ANKMY1: variants seen among roughly 807,000 people sequenced by gnomAD.
ANKMY1 encodes the protein ankyrin repeat and MYND domain containing 1, also known as ankyrin repeat and MYND domain-containing protein 1.
In ANKMY1, 98 loss-of-function variants were observed where a neutral mutation model predicts 102.0. That is an observed-to-expected ratio of 0.96 (90% CI 0.82 to 1.14). The LOEUF is 1.14. Ranked by LOEUF, ANKMY1 falls within the 50% of genes most tolerant of loss-of-function variation. The pLI is 0.00. For missense variants in ANKMY1, 1,330 were observed against 1,347.6 expected (o/e 0.99, Z 0.20); for synonymous variants, 582 against 559.9 (o/e 1.04, Z -0.56).
intron 2 of ANKMY1, among the ~76,000 whole-genome samples, chr2:240,556,235 C>T (rs970881292): frequency 6.6e-6 from 1 of 152,182 alleles, no homozygotes; most frequent in African/African-American, 2.4e-5. Flanking sequence ...CATAAACAGG[C>T]CATGAAAATA....
upstream of ANKMY1, among the ~76,000 whole-genome samples, chr2:240,559,053 C>G (rs564135774): frequency 6.6e-6 from 1 of 152,118 alleles, no homozygotes; most frequent in Non-Finnish European, 1.5e-5. Flanking sequence ...ATGTAGAAAC[C>G]CTCTGTTCTT....
chr2:240,540,356 G>C (rs116715594), intron 4 of ANKMY1, among the ~76,000 whole-genome samples: 1 of 152,152 alleles, frequency 6.6e-6, no homozygotes, highest in African/African-American at 2.4e-5. Flanking sequence ...TCATGAAACC[G>C]ACCCAACAGC....
rs971331619 is a variant in ANKMY1, at chr2:240,520,143, C to G, written c.2004+219G>C. The G allele has an allele frequency of 6.0e-5, 48 of 793,528 alleles. No individual in the cohort carries two copies. In the East Asian group the frequency reaches 8.9e-4, roughly 15 times the overall value. The allele number at this position is 793,528 out of a possible 1,614,324, so 49.2% of individuals were successfully genotyped here. ...AAAATCACACGGATCGTGAAGTACT[C>G]TAAAAACTAGCTCGGTGTCCAAATC... On this transcript the variant is annotated intron_variant, in intron 9 of 17. Transcript: ENST00000401804. This position sits in a 1 kb window ranked among gnomAD's most constrained non-coding sequence, Gnocchi z 4.8.
Position 240,511,393 on chromosome 2 carries a change from G to A in ANKMY1, c.2286+468C>T, listed in dbSNP as rs542741855. On this transcript the variant is annotated intron_variant, in intron 11 of 17. Transcript: ENST00000401804. ...CAGTTTCCCCGCATCCACCCCAGCC[G>A]CTGGGCATCCTCGGAGTGGTTCCCA... Among the ~76,000 whole-genome samples the A allele has an allele frequency of 5.3e-5, 8 of 152,352 alleles. No homozygotes were observed. The East Asian group carries it at 9.7e-4, about 18-fold the overall frequency.
intron 4 of ANKMY1, among the ~76,000 whole-genome samples, chr2:240,537,759 A>C (rs1450847720): frequency 6.6e-6 from 1 of 152,226 alleles, no homozygotes; most frequent in African/African-American, 2.4e-5. Context: ...TTTGGCCTAA[A>C]GGTTCTTCTG....
rs2092463476 is a variant in ANKMY1 at position 240,557,329 on chromosome 2, C to T, written c.7G>A (p.Gly3Arg). MEGAHASLSLEDE... is the reference protein window; with the variant it reads MERAHASLSLEDE... Reference sequence around the variant, plus strand: ...TCTAAGCTAAGGGAGGCATGGGCCCCTTCCATGTCTGTGGTCTTCCAACCT... The same window carrying T: ...TCTAAGCTAAGGGAGGCATGGGCCCTTTCCATGTCTGTGGTCTTCCAACCT... The change falls in exon 2 of 18, where the codon GGG (glycine) becomes AGG (arginine). Residue 3 changes from glycine to arginine, a missense_variant. By Grantham distance (125) the Gly-to-Arg change is moderately radical (BLOSUM62 -2). Transcript: ENST00000401804. 7 of 1,557,476 alleles carry T rather than the reference C, an allele frequency of 4.5e-6. No individual in the cohort carries two copies. Among genetic ancestry groups the T allele is most frequent in the African/African-American group, 1.4e-5 (1 of 72,378 alleles).
chr2:240,490,708 T>G (rs1366336981), intron 15 of ANKMY1, among the ~76,000 whole-genome samples: 1 of 152,214 alleles, frequency 6.6e-6, no homozygotes, highest in African/African-American at 2.4e-5. Context: ...GGTATGATTT[T>G]GATCTTTTAA....
intron 4 of ANKMY1, among the ~76,000 whole-genome samples, chr2:240,545,230 GCACCCCC>G (rs1213315375): frequency 6.6e-6 from 1 of 152,180 alleles, no homozygotes; most frequent in Non-Finnish European, 1.5e-5. Context: ...TAACTGGGAG[GCACCCCC>G]CAGCAGGGGC....
In ANKMY1 at chr2:240,529,329, T is replaced by A. The variant is rs1219533081; in HGVS notation, c.661A>T (p.Ile221Phe). ...GTTTTCTCCTCTTCTGAGAGGCTGA[T>A]CCTGGCAGGGCTGTGGGTGATGAAG... ...SSFITHSPAR[I>F]SLSEEEKTEW... Residue 221 changes from isoleucine to phenylalanine, a missense_variant, in exon 5 of 18, where the codon ATC (isoleucine) becomes TTC (phenylalanine). By Grantham distance (21) the Ile-to-Phe change is conservative (BLOSUM62 0). Coordinates refer to ENST00000401804, the MANE Select transcript of ANKMY1 (RefSeq NM_001282771.3). The surrounding 1 kb of genome is among the most constrained non-coding windows in gnomAD (Gnocchi z 4.2). 1 of 1,614,170 alleles carries A rather than the reference T, an allele frequency of 6.2e-7. No individual in the cohort carries two copies. The highest frequency in any genetic ancestry group is 1.7e-5 in the Admixed American group (1 of 60,018).
At position 240,520,440 on chromosome 2, in the gene ANKMY1, A is replaced by G; in HGVS notation, c.1926T>C (p.Ala642=). The G allele has an allele frequency of 6.2e-7, 1 of 1,613,044 alleles. No individual in the cohort carries two copies. Among genetic ancestry groups the G allele is most frequent in the Non-Finnish European group, 8.5e-7 (1 of 1,179,628 alleles). The stretch of plus-strand genomic sequence containing the variant: ...CCCCATCCACGTCCCCGGCCTTCAC[A>G]GCAAGGAACAGGACCTGCATGGGCA... ...CCVPMQVLFL[A]VKAGDVDGVR... The change falls in exon 9 of 18, where the codon GCT becomes GCC. Residue 642 remains alanine (A), a synonymous_variant. Transcript: ENST00000401804. This position sits in a 1 kb window ranked among gnomAD's most constrained non-coding sequence, Gnocchi z 4.8.
chr2:240,521,480 C>CG (rs2082251541), intron 8 of ANKMY1, among the ~76,000 whole-genome samples: 1 of 127,952 alleles, frequency 7.8e-6, no homozygotes, highest in East Asian at 2.7e-4. Flanking sequence ...GCGGAACTCG[C>CG]GGTGTTACAG....
chr2:240,496,770 T>C (rs1376183882), intron 15 of ANKMY1, among the ~76,000 whole-genome samples: 2 of 152,228 alleles, frequency 1.3e-5, no homozygotes, highest in Non-Finnish European at 2.9e-5. Context: ...TGATTGTTCA[T>C]AATTTGCAAC....
rs753596352 is a variant in ANKMY1 at position 240,520,430 on chromosome 2, C to T, written c.1936G>A (p.Gly646Arg). The change falls in exon 9 of 18, where the codon GGG (glycine) becomes AGG (arginine). Residue 646 changes from glycine (G) to arginine (R), a missense_variant. Physicochemically the swap from Gly to Arg is moderately radical, Grantham distance 125. Transcript: ENST00000401804. The surrounding 1 kb of genome is among the most constrained non-coding windows in gnomAD (Gnocchi z 4.8). ...AGCAGCCTCACCCCATCCACGTCCCCGGCCTTCACAGCAAGGAACAGGACC... is the reference window on the plus strand; with the variant it reads ...AGCAGCCTCACCCCATCCACGTCCCTGGCCTTCACAGCAAGGAACAGGACC... ...MQVLFLAVKA[G>R]DVDGVRLLLE... 1 of 1,611,706 alleles carries T rather than the reference C, an allele frequency of 6.2e-7. No homozygotes were observed. Among genetic ancestry groups the T allele is most frequent in the East Asian group, 2.2e-5 (1 of 44,788 alleles).
intron 15 of ANKMY1, among the ~76,000 whole-genome samples, chr2:240,498,736 C>T (rs1372288597): frequency 1.3e-5 from 2 of 152,016 alleles, no homozygotes; most frequent in Admixed American, 6.5e-5. Context: ...GTGACTAGAT[C>T]GTGGAGATGG....
chr2:240,529,329 TC>T lies in ANKMY1; in HGVS notation c.660del (p.Ile221SerfsTer29). On this transcript the variant is annotated frameshift_variant, in exon 5 of 18. Transcript: ENST00000401804. LOFTEE classifies it high-confidence loss of function. This position sits in a 1 kb window ranked among gnomAD's most constrained non-coding sequence, Gnocchi z 4.2. ...FSSFITHSPARISLSEEEKTE... is the reference protein window; with the variant it reads ...FSSFITHSPAXISLSEEEKTE... ...GTTTTCTCCTCTTCTGAGAGGCTGA[TC>T]CTGGCAGGGCTGTGGGTGATGAAGC... 1.2e-6 allele frequency: 2 copies of T among 1,614,170 alleles called. No individual in the cohort carries two copies. The highest frequency in any genetic ancestry group is 1.7e-6 in the Non-Finnish European group (2 of 1,180,032).
chr2:240,471,850 C>T, the ANKMY1 span, among the ~76,000 whole-genome samples: 2 of 152,276 alleles, frequency 1.3e-5, no homozygotes, highest in East Asian at 3.9e-4. Context: ...CCAGAAATGG[C>T]CTCATCCCCC....
At chr2:240,485,537 C>T (rs1373472556) in intron 15 of ANKMY1, among the ~76,000 whole-genome samples, 1 of 151,850 alleles carries the variant, frequency 6.6e-6, no homozygotes, top group African/African-American at 2.4e-5. Context: ...AACTATATTT[C>T]GAGTTCTTTC....
rs769150111 is a variant in ANKMY1, at chr2:240,520,303, C to G, written c.2004+59G>C. On this transcript the variant is annotated intron_variant, in intron 9 of 17. Transcript: ENST00000401804. This position sits in a 1 kb window ranked among gnomAD's most constrained non-coding sequence, Gnocchi z 4.8. ...CGCCTAGGTGGAGCGAGGAGCTTCC[C>G]GGCCAGTGCCCGGGAGTCTGCTGCG... is the stretch of plus-strand genomic sequence containing the variant. 1.3e-5 allele frequency: 20 copies of G among 1,489,008 alleles called. No homozygotes were observed. Among genetic ancestry groups the G allele is most frequent in the Non-Finnish European group, 1.7e-5 (19 of 1,113,130 alleles). 92.2% of individuals were successfully genotyped at this position (1,489,008 alleles called of 1,614,324 possible).
intron 4 of ANKMY1, among the ~76,000 whole-genome samples, chr2:240,544,979 G>A (rs931367152): frequency 5.3e-5 from 8 of 152,204 alleles, no homozygotes; most frequent in African/African-American, 7.2e-5. Flanking sequence ...CAAAGCAGCC[G>A]GGAAGCTCCA....
Sources: gnomAD v4.1 joint callset for allele counts (sites outside exome capture counted in the v4.1 genomes callset) on GRCh38, gnomAD v4.1.1 for gene constraint, Gnocchi (gnomAD v3.1) non-coding constraint, MANE v1.5 for transcripts, NCBI Gene and HGNC (gene_info 2026-07-23, HGNC 2026-07-21) for gene names.